The following KHDRBS2 variants were observed in gnomAD, a reference collection of about 807,000 sequenced individuals.
KHDRBS2 encodes the protein KH domain-containing, RNA-binding, signal transduction-associated protein 2.
In KHDRBS2, 26 loss-of-function variants were observed where a neutral mutation model predicts 44.3. The ratio of observed to expected loss-of-function variants is 0.59; its 90% CI spans 0.43 to 0.81. The LOEUF is 0.81. Ranked by LOEUF, KHDRBS2 falls within the 40% of genes least tolerant of loss-of-function variation. The pLI is 0.00. For missense variants in KHDRBS2, 476 were observed against 433.1 expected (o/e 1.10, Z -0.88); for synonymous variants, 194 against 151.1 (o/e 1.28, Z -2.08).
intron 2 of KHDRBS2, among the ~76,000 whole-genome samples, chr6:62,053,167 AC>A (rs1584384465): frequency 6.6e-6 from 1 of 152,072 alleles, no homozygotes; most frequent in East Asian, 1.9e-4. Context: ...AATGAAATGT[AC>A]TATAAAGAAA....
intron 7 of KHDRBS2, among the ~76,000 whole-genome samples, chr6:61,720,998 G>A (rs1200641972): frequency 2.0e-5 from 3 of 150,728 alleles, no homozygotes; most frequent in Admixed American, 1.3e-4. Flanking sequence ...TCTACATATG[G>A]CTAGCCAGTT....
intron 3 of KHDRBS2, among the ~76,000 whole-genome samples, chr6:62,025,966 T>C (rs1054080575): frequency 6.6e-6 from 1 of 152,124 alleles, no homozygotes; most frequent in African/African-American, 2.4e-5. Flanking sequence ...TCTCATAGAA[T>C]GAAAAATATT....
At chr6:61,602,983 C>T in the KHDRBS2 span, among the ~76,000 whole-genome samples, 2 of 152,206 alleles carry the variant, frequency 1.3e-5, no homozygotes, top group Admixed American at 6.5e-5. Context: ...TTGTATTTCC[C>T]CACCTTAATC....
intron 3 of KHDRBS2, among the ~76,000 whole-genome samples, chr6:62,047,208 G>T (rs1787903388): frequency 6.6e-6 from 1 of 151,846 alleles, no homozygotes; most frequent in African/African-American, 2.4e-5. Context: ...GATCCTTTTG[G>T]AATAAATCTC....
chr6:62,158,243 G>C (rs1816877839), intron 2 of KHDRBS2, among the ~76,000 whole-genome samples: 1 of 152,098 alleles, frequency 6.6e-6, no homozygotes, highest in South Asian at 2.1e-4. Flanking sequence ...CCTCCAAAAA[G>C]ACTGTCATTA....
chr6:61,722,944 C>T (rs1273622055), intron 7 of KHDRBS2, among the ~76,000 whole-genome samples: 2 of 152,144 alleles, frequency 1.3e-5, no homozygotes, highest in East Asian at 1.9e-4. Context: ...CTCCTCACCT[C>T]GTGATCTGCT....
chr6:61,896,677 A>G (rs536841775), intron 5 of KHDRBS2, among the ~76,000 whole-genome samples: 6 of 151,672 alleles, frequency 4.0e-5, no homozygotes, highest in African/African-American at 1.4e-4. Context: ...CCTGTCGTTT[A>G]TTTGTCTGAC....
the KHDRBS2 span, among the ~76,000 whole-genome samples, chr6:61,625,110 G>A: frequency 6.6e-6 from 1 of 151,804 alleles, no homozygotes; most frequent in East Asian, 1.9e-4. Context: ...ATGCCTTGTG[G>A]GATTCTCTTG....
chr6:61,764,041 T>C (rs1418025659), intron 6 of KHDRBS2, among the ~76,000 whole-genome samples: 1 of 152,116 alleles, frequency 6.6e-6, no homozygotes, highest in African/African-American at 2.4e-5. Flanking sequence ...CCATGTGTTC[T>C]CATTGTTCAG....
chr6:62,109,813 GGA>G (rs1804581535), intron 2 of KHDRBS2, among the ~76,000 whole-genome samples: 1 of 150,590 alleles, frequency 6.6e-6, no homozygotes, highest in Non-Finnish European at 1.5e-5. Flanking sequence ...AGAAAAAGAG[GGA>G]GAGAAGGAAA....
Position 61,768,853 on chromosome 6 carries a change from G to A in KHDRBS2, c.811-36089C>T, listed in dbSNP as rs75663489. Among the ~76,000 whole-genome samples the A allele has an allele frequency of 1.6e-3, 248 of 152,128 alleles. 2 individuals are homozygous for A. Among genetic ancestry groups the A allele is most frequent in the African/African-American group, 5.8e-3 (242 of 41,510 alleles). Reference sequence around the variant, plus strand: ...AAAGTGCTTTTTTGTGTAAACAGTTGTTCAATTTGGTGTTCCTGCATAGAG... The same window carrying A: ...AAAGTGCTTTTTTGTGTAAACAGTTATTCAATTTGGTGTTCCTGCATAGAG... On this transcript the variant is annotated intron_variant, in intron 6 of 8. Coordinates refer to ENST00000281156, the MANE Select transcript of KHDRBS2 (RefSeq NM_152688.4).
the KHDRBS2 span, among the ~76,000 whole-genome samples, chr6:61,663,732 C>T: frequency 2.0e-5 from 3 of 150,910 alleles, no homozygotes; most frequent in East Asian, 6.0e-4. Context: ...AGTTATACTG[C>T]TTAATGACTG....
intron 6 of KHDRBS2, among the ~76,000 whole-genome samples, chr6:61,766,887 C>A (rs1780091461): frequency 6.6e-6 from 1 of 151,820 alleles, no homozygotes; most frequent in Non-Finnish European, 1.5e-5. Flanking sequence ...AATATATGGC[C>A]TGTCTTTAAT....
rs187378799 is a variant in KHDRBS2, at chr6:61,731,553, A to G, written c.893+1129T>C. On this transcript the variant is annotated intron_variant, in intron 7 of 8. Coordinates refer to ENST00000281156, the MANE Select transcript of KHDRBS2 (RefSeq NM_152688.4). ...CACGGAAAATCCAAACTTCCACAAT[A>G]CATGTAGATTTATTCTAAACTATAA... 3.5e-3 allele frequency among the ~76,000 whole-genome samples: 526 copies of G among 152,160 alleles called. 8 individuals are homozygous for G. The highest frequency in any genetic ancestry group is 0.026 in the South Asian group (124 of 4,822).
intron 2 of KHDRBS2, among the ~76,000 whole-genome samples, chr6:62,165,527 T>A (rs535544178): frequency 9.9e-4 from 150 of 151,982 alleles, no homozygotes; most frequent in African/African-American, 3.6e-3. Flanking sequence ...TTTGTTTAAA[T>A]ATTTTTAAAA....
chr6:61,851,812 C>T (rs1057197423), intron 6 of KHDRBS2, among the ~76,000 whole-genome samples: 1 of 152,162 alleles, frequency 6.6e-6, no homozygotes, highest in African/African-American at 2.4e-5. Context: ...TTATATGCTA[C>T]TGCATCAGTG....
Position 61,947,773 on chromosome 6 carries a change from A to T in KHDRBS2, c.483+30293T>A, listed in dbSNP as rs148176874. Among the ~76,000 whole-genome samples the T allele has an allele frequency of 8.7e-3, 1,330 of 152,078 alleles. 19 individuals carry two copies. Among genetic ancestry groups the T allele is most frequent in the African/African-American group, 0.03 (1,254 of 41,480 alleles). On this transcript the variant is annotated intron_variant, in intron 4 of 8. Coordinates refer to ENST00000281156, the MANE Select transcript of KHDRBS2 (RefSeq NM_152688.4). Reference sequence around the variant, plus strand: ...CATATTTATATGCATGAATATACTGAGTCATAATGTGAAATGCATGTCTTA... The same window carrying T: ...CATATTTATATGCATGAATATACTGTGTCATAATGTGAAATGCATGTCTTA...
At chr6:62,212,419 T>TA (rs946048696) in intron 1 of KHDRBS2, among the ~76,000 whole-genome samples, 5 of 151,406 alleles carry the variant, frequency 3.3e-5, no homozygotes, top group African/African-American at 1.2e-4. Context: ...AGGGAGATGG[T>TA]ATGGGTTGAA....
At chr6:62,280,147 T>C (rs770819606) in intron 1 of KHDRBS2, among the ~76,000 whole-genome samples, 2 of 152,222 alleles carry the variant, frequency 1.3e-5, no homozygotes, top group Non-Finnish European at 2.9e-5. Flanking sequence ...GAGTGAATTA[T>C]AAGCAGTTTG....
Sources: gnomAD v4.1 joint callset for allele counts (sites outside exome capture counted in the v4.1 genomes callset) on GRCh38, gnomAD v4.1.1 for gene constraint, MANE v1.5 for transcripts, NCBI Gene and HGNC (gene_info 2026-07-23, HGNC 2026-07-21) for gene names.